The following TCF7L2 variants were observed in gnomAD, a reference collection of about 807,000 sequenced individuals.
TCF7L2 encodes transcription factor 7-like 2.
Under a neutral mutation model 77.9 loss-of-function variants are expected in TCF7L2, and 23 were observed. The ratio of observed to expected loss-of-function variants is 0.30; its 90% CI spans 0.21 to 0.42. The LOEUF is 0.42. Ranked by LOEUF, TCF7L2 falls within the 10% of genes least tolerant of loss-of-function variation. TCF7L2 has a pLI of 1.00. For synonymous variants in TCF7L2, 413 were observed against 340.2 expected, an observed-to-expected ratio of 1.21 and a Z score of -2.36; for missense variants, 654 against 793.1, an observed-to-expected ratio of 0.82 and a Z score of 2.11.
chr10:112,987,834 A>C (rs1056437866), intron 4 of TCF7L2: 13 of 182,502 alleles, frequency 7.1e-5, no homozygotes, highest in Non-Finnish European at 1.6e-4. Flanking sequence ...GAAAACACAC[A>C]GGAGGAAAAA....
intron 4 of TCF7L2, among the ~76,000 whole-genome samples, chr10:113,029,516 C>A (rs2049827392): frequency 6.6e-6 from 1 of 150,640 alleles, no homozygotes; most frequent in Non-Finnish European, 1.5e-5. Context: ...TGTCTTCTCT[C>A]CATTCCTCTT....
intron 5 of TCF7L2, among the ~76,000 whole-genome samples, chr10:113,077,250 A>G (rs1352238840): frequency 6.6e-6 from 1 of 152,250 alleles, no homozygotes; most frequent in Non-Finnish European, 1.5e-5. Context: ...CTTTTCCAAT[A>G]AAATGTACTC....
At chr10:112,979,770 A>AT (rs1412162406) in intron 4 of TCF7L2, among the ~76,000 whole-genome samples, 2 of 151,928 alleles carry the variant, frequency 1.3e-5, no homozygotes, top group Non-Finnish European at 2.9e-5. Context: ...AAAAATAAAA[A>AT]AAATAAAAAA....
intron 4 of TCF7L2, among the ~76,000 whole-genome samples, chr10:113,023,363 TTTG>T (rs1213982927): frequency 6.6e-6 from 1 of 152,198 alleles, no homozygotes; most frequent in Non-Finnish European, 1.5e-5. Flanking sequence ...CATTTAGGCA[TTTG>T]GGAAACTTTA....
chr10:113,080,742 A>ATTTAAATTTAT (rs1166605672), intron 5 of TCF7L2, among the ~76,000 whole-genome samples: 1 of 152,196 alleles, frequency 6.6e-6, no homozygotes. Context: ...TAAGCACCCG[A>ATTTAAATTTAT]GAAGGTTTAA....
chr10:113,151,186 T>A lies in TCF7L2; in HGVS notation c.1001+63T>A. ...CAGTGTTCTGCAAGCCTGTTGCAGCTGCTGGGTGGTGGCTTTCTGCCTAAG... is the reference window on the plus strand; with the variant it reads ...CAGTGTTCTGCAAGCCTGTTGCAGCAGCTGGGTGGTGGCTTTCTGCCTAAG... On this transcript the variant is annotated intron_variant, in intron 9 of 13. Coordinates refer to ENST00000627217, the MANE Select transcript of TCF7L2 (RefSeq NM_001146274.2). The surrounding 1 kb of genome is among the most constrained non-coding windows in gnomAD (Gnocchi z 5.2). 6.2e-7 allele frequency: 1 copy of A among 1,606,750 alleles called. No homozygotes were observed. Among genetic ancestry groups the A allele is most frequent in the Non-Finnish European group, 8.5e-7 (1 of 1,174,902 alleles).
intron 5 of TCF7L2, among the ~76,000 whole-genome samples, chr10:113,117,509 C>T (rs1241501499): frequency 1.3e-5 from 2 of 150,572 alleles, no homozygotes; most frequent in African/African-American, 4.9e-5. Context: ...GAACAGGATA[C>T]AATGAGATTT....
At chr10:113,004,678 A>C (rs927000802) in intron 4 of TCF7L2, among the ~76,000 whole-genome samples, 7 of 147,854 alleles carry the variant, frequency 4.7e-5, no homozygotes, top group Admixed American at 1.3e-4. Context: ...TTTCTTTTTT[A>C]TTTTTTTTTT....
intron 5 of TCF7L2, among the ~76,000 whole-genome samples, chr10:113,092,692 C>T (rs147568679): frequency 4.5e-4 from 68 of 152,164 alleles, no homozygotes; most frequent in African/African-American, 1.5e-3. Flanking sequence ...GGTGAAACCC[C>T]GTCTCTACTA....
intron 13 of TCF7L2, chr10:113,161,082 C>A: frequency 4.0e-6 from 1 of 249,520 alleles, no homozygotes; most frequent in South Asian, 9.2e-5. Flanking sequence ...CACTTGGCAG[C>A]AATTGCATTC....
chr10:113,106,985 G>A (rs1016765768), intron 5 of TCF7L2, among the ~76,000 whole-genome samples: 4 of 152,202 alleles, frequency 2.6e-5, no homozygotes, highest in Non-Finnish European at 5.9e-5. Context: ...TGATCAGAAT[G>A]GATGCAAGAG....
rs1177214336 is a variant in TCF7L2, at chr10:113,151,534, C to T, written c.1002-191C>T. ...ACTTGAGGAAGTGATTGCAAAATCC[C>T]TCTCTTCCCCCAACCCCTCCCCAAG... On this transcript the variant is annotated intron_variant, in intron 9 of 13. Coordinates refer to ENST00000627217, the MANE Select transcript of TCF7L2 (RefSeq NM_001146274.2). This position sits in a 1 kb window ranked among gnomAD's most constrained non-coding sequence, Gnocchi z 5.2. 6.6e-6 allele frequency among the ~76,000 whole-genome samples: 1 copy of T among 152,134 alleles called. No individual in the cohort carries two copies. Among genetic ancestry groups the T allele is most frequent in the Non-Finnish European group, 1.5e-5 (1 of 68,026 alleles).
rs1400096451 is a variant in TCF7L2, at chr10:112,964,814, G to GC, written c.450+190_450+191insC. Among the ~76,000 whole-genome samples, 211 of 116,176 alleles carry GC rather than the reference G, an allele frequency of 1.8e-3. 6 individuals are homozygous for GC. Among genetic ancestry groups the GC allele is most frequent in the African/African-American group, 9.8e-3 (206 of 21,060 alleles). 76.2% of individuals were successfully genotyped at this position (116,176 alleles called of 152,430 possible). ...GGTGATGGTGGTGGTGGTGGTGGTGGGGGGGGGTTGAATCACTGGGGGAGA... is the reference window on the plus strand; with the variant it reads ...GGTGATGGTGGTGGTGGTGGTGGTGGCGGGGGGGTTGAATCACTGGGGGAGA... On this transcript the variant is annotated intron_variant, in intron 4 of 13. Transcript: ENST00000627217.
At chr10:113,139,828 A>AG in intron 5 of TCF7L2, among the ~76,000 whole-genome samples, 1 of 137,166 alleles carries the variant, frequency 7.3e-6, no homozygotes, top group Non-Finnish European at 1.5e-5. Context: ...AAAAAAAAAA[A>AG]AAGGACAAGA....
At position 113,166,238 on chromosome 10, in the gene TCF7L2, T is replaced by A. The variant is rs1014222727; in HGVS notation, c.*266T>A. The A allele has an allele frequency of 1.9e-5, 6 of 322,116 alleles. No homozygotes were observed. Among genetic ancestry groups the A allele is most frequent in the African/African-American group, 1.3e-4 (6 of 47,334 alleles). The allele number at this position is 322,116 out of a possible 1,614,324, so 20.0% of individuals were successfully genotyped here. On this transcript the variant is annotated 3_prime_UTR_variant, in exon 14 of 14. Coordinates refer to ENST00000627217, the MANE Select transcript of TCF7L2 (RefSeq NM_001146274.2). ...AGCTGTTTAAAGTCTTTGTAGCGTT[T>A]AAAAAATATATATATATACATAACT...
chr10:113,034,987 C>T (rs1405027724), intron 4 of TCF7L2, among the ~76,000 whole-genome samples: 1 of 151,966 alleles, frequency 6.6e-6, no homozygotes, highest in Non-Finnish European at 1.5e-5. Flanking sequence ...CCTCCCCTTT[C>T]CTTCCCTTTC....
At chr10:113,140,495 G>A (rs1395156387) in intron 5 of TCF7L2, among the ~76,000 whole-genome samples, 6 of 152,102 alleles carry the variant, frequency 3.9e-5, no homozygotes, top group Admixed American at 2.0e-4. Context: ...GTTCCCGGAT[G>A]ACTTTCTAAT....
chr10:113,126,562 C>T lies in TCF7L2; in HGVS notation c.553-14622C>T, dbSNP rs1592053004. The stretch of plus-strand genomic sequence containing the variant: ...AAAAAGAAGAGTAAGAAAGCCCTGC[C>T]TTTTTTTTTTAAACGCCCCCTCCCT... On this transcript the variant is annotated intron_variant, in intron 5 of 13. Transcript: ENST00000627217. 9.1e-6 allele frequency: 8 copies of T among 880,272 alleles called. No homozygotes were observed. In the Admixed American group the frequency reaches 1.9e-4, roughly 21 times the overall value. 54.5% of individuals were successfully genotyped at this position (880,272 alleles called of 1,614,324 possible).
chr10:113,060,549 C>A (rs1201746521), intron 5 of TCF7L2, among the ~76,000 whole-genome samples: 9 of 152,082 alleles, frequency 5.9e-5, no homozygotes, highest in Admixed American at 5.9e-4. Flanking sequence ...GAACTTCAGG[C>A]TTTCTCTCCA....
Sources: gnomAD v4.1 joint callset for allele counts (sites outside exome capture counted in the v4.1 genomes callset) on GRCh38, gnomAD v4.1.1 for gene constraint, Gnocchi (gnomAD v3.1) non-coding constraint, MANE v1.5 for transcripts, NCBI Gene and HGNC (gene_info 2026-07-23, HGNC 2026-07-21) for gene names.